Variants in TBC1D15 observed in about 807,000 individuals in gnomAD.
TBC1D15 encodes GAP for RAB7.
In TBC1D15, 39 loss-of-function variants were observed where a neutral mutation model predicts 95.4. That is an observed-to-expected ratio of 0.41 (90% CI 0.32 to 0.53). The LOEUF (loss-of-function observed/expected upper bound fraction) is 0.53. Ranked by LOEUF, TBC1D15 falls within the 20% of genes least tolerant of loss-of-function variation. The probability of loss-of-function intolerance (pLI) is 0.29; values close to 1 mark genes in which losing one functional copy is unlikely to be tolerated. For synonymous variants in TBC1D15, 258 were observed against 261.3 expected, an observed-to-expected ratio of 0.99 and a Z score of 0.12; for missense variants, 733 against 794.3, an observed-to-expected ratio of 0.92 and a Z score of 0.93.
At chr12:71,898,919 C>T (rs1292501752) in intron 10 of TBC1D15, among the ~76,000 whole-genome samples, 1 of 152,082 alleles carries the variant, frequency 6.6e-6, no homozygotes, top group Non-Finnish European at 1.5e-5. Flanking sequence ...GTAAATTATA[C>T]CAGAATAAAC....
In TBC1D15 at chr12:71,872,940, A is replaced by T; in HGVS notation, c.141A>T (p.Val47=). Residue 47 remains valine, a synonymous_variant, in exon 3 of 17, where the codon GTA becomes GTT. Coordinates refer to ENST00000485960, the MANE Select transcript of TBC1D15 (RefSeq NM_001146213.3). ...ILRVLEKDAE[V]IVDWRPLDDA... is the part of the protein sequence containing the mutation. ...ATTTCTTTCTCTAGGATGCCGAAGT[A>T]ATAGTGGACTGGAGACCATTGGATG... 6.2e-7 allele frequency: 1 copy of T among 1,606,616 alleles called. No individual in the cohort carries two copies. Among genetic ancestry groups the T allele is most frequent in the South Asian group, 1.1e-5 (1 of 89,670 alleles).
chr12:71,868,370 C>G (rs1018267465), intron 1 of TBC1D15, among the ~76,000 whole-genome samples: 1 of 151,898 alleles, frequency 6.6e-6, no homozygotes, highest in Non-Finnish European at 1.5e-5. Context: ...CTCAGCCTCC[C>G]GAGTAGCTGG....
At chr12:71,863,309 C>T (rs1297174970) in intron 1 of TBC1D15, among the ~76,000 whole-genome samples, 2 of 152,012 alleles carry the variant, frequency 1.3e-5, no homozygotes, top group African/African-American at 4.8e-5. Flanking sequence ...ACCTGGGGGA[C>T]GGAGCTTGCA....
chr12:71,894,703 T>C lies in TBC1D15; in HGVS notation c.675T>C (p.Pro225=). The C allele has an allele frequency of 1.2e-6, 2 of 1,612,914 alleles. No individual in the cohort carries two copies. The highest frequency in any genetic ancestry group is 1.7e-6 in the Non-Finnish European group (2 of 1,179,218). Residue 225 remains proline, a synonymous_variant, in exon 7 of 17, where the codon CCT becomes CCC. Coordinates refer to ENST00000485960, the MANE Select transcript of TBC1D15 (RefSeq NM_001146213.3). ...YGLIQKIKKD[P]YTATMIGFSK... ...CTGCATAGAAAATTAAAAAGGACCC[T>C]TATACGGCAACTATGATAGGATTTT... is the stretch of plus-strand genomic sequence containing the variant.
intron 3 of TBC1D15, among the ~76,000 whole-genome samples, chr12:71,877,204 G>GTTTTTT (rs775138713): frequency 7.1e-6 from 1 of 140,572 alleles, no homozygotes; most frequent in Non-Finnish European, 1.5e-5. Flanking sequence ...GTGTGTGTGT[G>GTTTTTT]TGTGTGTTTT....
chr12:71,877,501 TTCCTTCCTTCCTTCCTTC>T lies in TBC1D15; in HGVS notation c.205-2967_205-2950del, dbSNP rs1894163124. Among the ~76,000 whole-genome samples, 352 of 63,494 alleles carry T rather than the reference TTCCTTCCTTCCTTCCTTC, an allele frequency of 5.5e-3. 10 individuals carry two copies. Among genetic ancestry groups the T allele is most frequent in the South Asian group, 0.019 (36 of 1,928 alleles). The allele number at this position is 63,494 out of a possible 152,430, so 41.7% of individuals were successfully genotyped here. A position where few individuals can be genotyped will look rare whatever the true frequency, so the allele number is the denominator to read the frequency against. ...AAAATCTTTTCTTTCCTGTTTTTCC[TTCCTTCCTTCCTTCCTTC>T]CTTCCTTCCTTCCTTCCTTCCTTCC... On this transcript the variant is annotated intron_variant, in intron 3 of 16. Transcript: ENST00000485960.
rs142873658 is a variant in TBC1D15 at position 71,864,091 on chromosome 12, C to T, written c.31-7979C>T. 6.4e-3 allele frequency among the ~76,000 whole-genome samples: 965 copies of T among 150,346 alleles called. 8 individuals carry two copies. Among genetic ancestry groups the T allele is most frequent in the East Asian group, 0.021 (106 of 5,144 alleles). On this transcript the variant is annotated intron_variant, in intron 1 of 16. Coordinates refer to ENST00000485960, the MANE Select transcript of TBC1D15 (RefSeq NM_001146213.3). ...ATTTTCTTGCTTTTTTTTTTTGAGACGGAGTTTCCCTCTTGTTGCCCAGGC... is the reference window on the plus strand; with the variant it reads ...ATTTTCTTGCTTTTTTTTTTTGAGATGGAGTTTCCCTCTTGTTGCCCAGGC...
chr12:71,895,633 T>C (rs1898020487), intron 7 of TBC1D15, among the ~76,000 whole-genome samples: 1 of 152,098 alleles, frequency 6.6e-6, no homozygotes, highest in Admixed American at 6.6e-5. Context: ...TCTTACAGAA[T>C]TTACATGTTG....
intron 1 of TBC1D15, among the ~76,000 whole-genome samples, chr12:71,862,500 C>T (rs1302842309): frequency 6.6e-6 from 1 of 152,190 alleles, no homozygotes; most frequent in East Asian, 1.9e-4. Context: ...AAAGCTACTG[C>T]TGCTCTCTTG....
intron 1 of TBC1D15, among the ~76,000 whole-genome samples, chr12:71,861,823 G>T (rs1811431543): frequency 6.6e-6 from 1 of 150,454 alleles, no homozygotes; most frequent in Non-Finnish European, 1.5e-5. Context: ...GGTGTTTATT[G>T]CTATAAACTT....
At chr12:71,900,870 A>G (rs1459929454) in intron 10 of TBC1D15, among the ~76,000 whole-genome samples, 1 of 152,156 alleles carries the variant, frequency 6.6e-6, no homozygotes, top group Non-Finnish European at 1.5e-5. Context: ...TAGAAACTTG[A>G]AAAAGGGAGG....
intron 10 of TBC1D15, among the ~76,000 whole-genome samples, chr12:71,904,499 T>C (rs1205872939): frequency 1.3e-5 from 2 of 152,104 alleles, no homozygotes; most frequent in East Asian, 3.8e-4. Flanking sequence ...TTGAATACTA[T>C]GGGAATGGTA....
Position 71,923,234 on chromosome 12 carries a change from A to G in TBC1D15, c.*30A>G. On this transcript the variant is annotated 3_prime_UTR_variant, in exon 17 of 17. Coordinates refer to ENST00000485960, the MANE Select transcript of TBC1D15 (RefSeq NM_001146213.3). The stretch of plus-strand genomic sequence containing the variant: ...TGTTCTTGCTTTTTTGGGAAGAGAC[A>G]CTTTGTTGCAACCCTTTTTCAAGTA... The G allele has an allele frequency of 6.2e-7, 1 of 1,601,424 alleles. No homozygotes were observed. Among genetic ancestry groups the G allele is most frequent in the South Asian group, 1.1e-5 (1 of 90,536 alleles).
At chr12:71,891,127 G>A (rs1471365259) in intron 5 of TBC1D15, among the ~76,000 whole-genome samples, 2 of 152,066 alleles carry the variant, frequency 1.3e-5, no homozygotes, top group Non-Finnish European at 2.9e-5. Flanking sequence ...CTGCAATGCT[G>A]TTTATTTCTT....
At chr12:71,847,332 T>G (rs1886541800) in intron 1 of TBC1D15, among the ~76,000 whole-genome samples, 1 of 152,204 alleles carries the variant, frequency 6.6e-6, no homozygotes, top group Non-Finnish European at 1.5e-5. Context: ...TGTATGGCTT[T>G]CTTTATTCAG....
intron 5 of TBC1D15, among the ~76,000 whole-genome samples, chr12:71,887,590 T>A (rs986486556): frequency 2.0e-5 from 3 of 152,182 alleles, no homozygotes; most frequent in Non-Finnish European, 2.9e-5. Context: ...TACTGTTTTT[T>A]CTACTTGGAA....
intron 1 of TBC1D15, among the ~76,000 whole-genome samples, chr12:71,862,604 A>G (rs1890623434): frequency 6.6e-6 from 1 of 152,184 alleles, no homozygotes; most frequent in African/African-American, 2.4e-5. Context: ...TCCAGTCTGT[A>G]TCTTTTATGT....
intron 8 of TBC1D15, 65 bp from the exon 9 acceptor site, chr12:71,896,612 G>A: frequency 7.2e-7 from 1 of 1,398,330 alleles, no homozygotes; most frequent in Non-Finnish European, 9.9e-7. Flanking sequence ...TTATATGCAA[G>A]TTTTGTGAAC....
chr12:71,889,235 G>A (rs144147068), intron 5 of TBC1D15, among the ~76,000 whole-genome samples: 1 of 152,162 alleles, frequency 6.6e-6, no homozygotes, highest in Non-Finnish European at 1.5e-5. Context: ...GGATGTGGCT[G>A]CTCTTCTTGG....
Sources: gnomAD v4.1 joint callset for allele counts (sites outside exome capture counted in the v4.1 genomes callset) on GRCh38, gnomAD v4.1.1 for gene constraint, MANE v1.5 for transcripts, NCBI Gene and HGNC (gene_info 2026-07-23, HGNC 2026-07-21) for gene names.